Variants in DNAJC25 observed in about 807,000 individuals in gnomAD.
DNAJC25 encodes dnaJ homolog subfamily C member 25.
A neutral mutation model predicts 42.1 loss-of-function variants in DNAJC25; 26 were observed. The observed-to-expected ratio is 0.62, with a 90% confidence interval of 0.45 to 0.86. The LOEUF (loss-of-function observed/expected upper bound fraction) is 0.86, where lower values mean the gene tolerates loss of function less well. Ranked by LOEUF, DNAJC25 falls within the 40% of genes least tolerant of loss-of-function variation. The pLI, the probability that DNAJC25 is intolerant of heterozygous loss-of-function variation, is 0.00. For synonymous variants in DNAJC25, 189 were observed against 179.9 expected (o/e 1.05, Z -0.40); for missense variants, 404 against 459.4 (o/e 0.88, Z 1.10).
intron 3 of DNAJC25, among the ~76,000 whole-genome samples, chr9:111,650,942 C>T (rs112460939): frequency 0.02 from 2,999 of 152,014 alleles, 117 homozygotes; most frequent in African/African-American, 0.069. Flanking sequence ...GTGAATTGCC[C>T]GATGTTTTAC....
chr9:111,641,625 TG>T (rs1194968029), intron 1 of DNAJC25, among the ~76,000 whole-genome samples: 2 of 75,400 alleles, frequency 2.7e-5, no homozygotes, highest in South Asian at 4.3e-4. Context: ...GGGAGGGAGG[TG>T]GGGGGGTCAG....
intron 1 of DNAJC25, among the ~76,000 whole-genome samples, chr9:111,637,714 A>C (rs928560851): frequency 6.6e-6 from 1 of 152,088 alleles, no homozygotes; most frequent in Non-Finnish European, 1.5e-5. Context: ...GTGACACTCT[A>C]CTCACCAGAT....
intron 1 of DNAJC25, among the ~76,000 whole-genome samples, chr9:111,634,928 C>T (rs898606487): frequency 2.6e-5 from 4 of 152,168 alleles, no homozygotes; most frequent in Non-Finnish European, 5.9e-5. Flanking sequence ...CATGCTTTCA[C>T]CAAGTCATGC....
At chr9:111,643,699 A>G (rs1372483298) in intron 1 of DNAJC25, among the ~76,000 whole-genome samples, 1 of 152,016 alleles carries the variant, frequency 6.6e-6, no homozygotes, top group Non-Finnish European at 1.5e-5. Context: ...TGCAAAGGAA[A>G]TTTTAACTTT....
intron 1 of DNAJC25, 55 bp from the exon 2 acceptor site, chr9:111,647,052 A>G (rs1830576500): frequency 6.5e-7 from 1 of 1,532,596 alleles, no homozygotes; most frequent in South Asian, 1.3e-5. Context: ...CAGATTATAA[A>G]CTAAGGCCAT....
At position 111,647,947 on chromosome 9, in the gene DNAJC25, G is replaced by C. The variant is rs569181659; in HGVS notation, c.489+688G>C. On this transcript the variant is annotated intron_variant, in intron 2 of 3. Coordinates refer to ENST00000313525, the MANE Select transcript of DNAJC25 (RefSeq NM_001015882.3). Reference sequence around the variant, plus strand: ...GCGCGCACCACCACACCCGGCTAGTGTTTTGTATTTTAGTAGAGACGGGGT... The same window carrying C: ...GCGCGCACCACCACACCCGGCTAGTCTTTTGTATTTTAGTAGAGACGGGGT... 8.6e-4 allele frequency among the ~76,000 whole-genome samples: 130 copies of C among 151,728 alleles called. 1 individual carries two copies. Among genetic ancestry groups the C allele is most frequent in the Middle Eastern group, 3.4e-3 (1 of 294 alleles).
chr9:111,637,027 T>C (rs966799290), intron 1 of DNAJC25, among the ~76,000 whole-genome samples: 2 of 152,194 alleles, frequency 1.3e-5, no homozygotes, highest in Non-Finnish European at 2.9e-5. Flanking sequence ...TCAGAGTTCT[T>C]AATCAACCTG....
At chr9:111,636,605 C>T (rs939003720) in intron 1 of DNAJC25, among the ~76,000 whole-genome samples, 1 of 152,146 alleles carries the variant, frequency 6.6e-6, no homozygotes, top group Non-Finnish European at 1.5e-5. Context: ...CTGGCACATG[C>T]ACCGAACCCT....
intron 1 of DNAJC25, chr9:111,643,055 C>A: frequency 2.9e-6 from 1 of 346,354 alleles, no homozygotes. Flanking sequence ...CCTTAAGATC[C>A]ACAAAATTGC....
Position 111,638,612 on chromosome 9 carries a change from A to G in DNAJC25, c.336+6869A>G, listed in dbSNP as rs544883848. Among the ~76,000 whole-genome samples, 3 of 152,038 alleles carry G rather than the reference A, an allele frequency of 2.0e-5. No individual in the cohort carries two copies. The East Asian group carries it at 5.8e-4, about 29-fold the overall frequency. The stretch of plus-strand genomic sequence containing the variant: ...TGTATTCATTATCTTAGTGAGTAAC[A>G]TTGTCTACGTAGTAACTCTAATTAA... On this transcript the variant is annotated intron_variant, in intron 1 of 3. Transcript: ENST00000313525.
At chr9:111,652,986 T>G (rs1830686775) in intron 3 of DNAJC25, 114 bp from the exon 4 acceptor site, 1 of 1,125,030 alleles carries the variant, frequency 8.9e-7, no homozygotes, top group Non-Finnish European at 1.2e-6. Context: ...TATCAATACA[T>G]TCACTGGAAA....
rs1830688348 is a variant in DNAJC25 at position 111,653,106 on chromosome 9, A to C, written c.967A>C (p.Lys323Gln). 5 of 1,601,292 alleles carry C rather than the reference A, an allele frequency of 3.1e-6. No individual in the cohort carries two copies. The highest frequency in any genetic ancestry group is 4.3e-6 in the Non-Finnish European group (5 of 1,172,830). ...TAGTTATTTATACTTACAGGTCTAC[A>C]AGCAAGAACAAGAGGAAGAATTAAA... Reference protein sequence around the residue: ...LWIKENYEVYKQEQEEELKKK... With the variant: ...LWIKENYEVYQQEQEEELKKK... Residue 323 changes from lysine to glutamine, a missense_variant, in exon 4 of 4, where the codon AAG becomes CAG. Lys to Gln is a moderately conservative substitution (Grantham distance 53, BLOSUM62 1). Coordinates refer to ENST00000313525, the MANE Select transcript of DNAJC25 (RefSeq NM_001015882.3).
rs769756835 is a variant in DNAJC25 at position 111,649,454 on chromosome 9, T to C, written c.491T>C (p.Phe164Ser). 1.7e-5 allele frequency: 26 copies of C among 1,568,252 alleles called. No homozygotes were observed. The highest frequency in any genetic ancestry group is 6.9e-6 in the Non-Finnish European group (8 of 1,163,440). Residue 164 changes from phenylalanine (F) to serine (S), a missense_variant and splice_region_variant, in exon 3 of 4, where the codon TTT (phenylalanine) becomes TCT (serine). Coordinates refer to ENST00000313525, the MANE Select transcript of DNAJC25 (RefSeq NM_001015882.3). ...VSVCAISVFQ[F>S]FSWWNSYNKA... ...ATTGTTCTCTGTTAATTATTCTAGTTTTTCAGCTGGTGGAATAGCTACAAT... is the reference window on the plus strand; with the variant it reads ...ATTGTTCTCTGTTAATTATTCTAGTCTTTCAGCTGGTGGAATAGCTACAAT...
Position 111,653,264 on chromosome 9 carries a change from T to C in DNAJC25, c.*42T>C, listed in dbSNP as rs1475530220. ...ACTATGCCAAACCTTAATTGTGATA[T>C]TATTTTCATAACTGAATTATTTTAG... is the stretch of plus-strand genomic sequence containing the variant. On this transcript the variant is annotated 3_prime_UTR_variant, in exon 4 of 4. Coordinates refer to ENST00000313525, the MANE Select transcript of DNAJC25 (RefSeq NM_001015882.3). 5 of 1,435,540 alleles carry C rather than the reference T, an allele frequency of 3.5e-6. No homozygotes were observed. Among genetic ancestry groups the C allele is most frequent in the Non-Finnish European group, 4.6e-6 (5 of 1,085,732 alleles). 88.9% of individuals were successfully genotyped at this position (1,435,540 alleles called of 1,614,324 possible). A position where few individuals can be genotyped will look rare whatever the true frequency, so the allele number is the denominator to read the frequency against.
chr9:111,642,961 G>C (rs1039338695), intron 1 of DNAJC25: 3 of 470,854 alleles, frequency 6.4e-6, no homozygotes, highest in African/African-American at 4.0e-5. Context: ...TGCCCTGCTT[G>C]TCAAGGCTCA....
chr9:111,647,058 G>T, intron 1 of DNAJC25, 49 bp from the exon 2 acceptor site: 2 of 1,536,194 alleles, frequency 1.3e-6, no homozygotes, highest in Non-Finnish European at 1.8e-6. Context: ...ATAAACTAAG[G>T]CCATTTAATG....
rs143348545 is a variant in DNAJC25 at position 111,643,393 on chromosome 9, C to G, written c.337-3714C>G. ...TTCTCATTCTAAGAAAAGAAAAAAA[C>G]TGATGATTACAATGTGATAAGTGCT... On this transcript the variant is annotated intron_variant, in intron 1 of 3. Coordinates refer to ENST00000313525, the MANE Select transcript of DNAJC25 (RefSeq NM_001015882.3). Among the ~76,000 whole-genome samples, 1,464 of 152,238 alleles carry G rather than the reference C, an allele frequency of 9.6e-3. 10 individuals carry two copies. Among genetic ancestry groups the G allele is most frequent in the Non-Finnish European group, 0.015 (1,006 of 68,012 alleles).
intron 1 of DNAJC25, among the ~76,000 whole-genome samples, chr9:111,632,469 A>G (rs1830299039): frequency 6.6e-6 from 1 of 152,192 alleles, no homozygotes; most frequent in African/African-American, 2.4e-5. Flanking sequence ...AGTAGGAAAT[A>G]TTTTGTGAAT....
At chr9:111,632,093 G>A (rs1160537860) in intron 1 of DNAJC25, among the ~76,000 whole-genome samples, 1 of 152,230 alleles carries the variant, frequency 6.6e-6, no homozygotes, top group Non-Finnish European at 1.5e-5. Context: ...CCCACAACAG[G>A]GAAAGTCTCG....
Sources: gnomAD v4.1 joint callset for allele counts (sites outside exome capture counted in the v4.1 genomes callset) on GRCh38, gnomAD v4.1.1 for gene constraint, MANE v1.5 for transcripts, NCBI Gene and HGNC (gene_info 2026-07-23, HGNC 2026-07-21) for gene names.